The following KIAA1217 variants were observed in gnomAD, a reference collection of about 807,000 sequenced individuals.
KIAA1217 encodes the protein KIAA1217, also known as sickle tail protein homolog.
KIAA1217 carries 88 observed loss-of-function variants against 163.9 expected under a neutral mutation model. The observed-to-expected ratio is 0.54, with a 90% confidence interval of 0.45 to 0.64. The LOEUF (loss-of-function observed/expected upper bound fraction) is 0.64, where lower values mean the gene tolerates loss of function less well. Ranked by LOEUF, KIAA1217 falls within the 30% of genes least tolerant of loss-of-function variation. KIAA1217 has a pLI of 0.00. For synonymous variants in KIAA1217, 903 were observed against 923.1 expected (o/e 0.98, Z 0.39); for missense variants, 2,372 against 2,475.0 (o/e 0.96, Z 0.88).
chr10:23,914,943 A>G (rs994697729), intron 1 of KIAA1217, among the ~76,000 whole-genome samples: 2 of 152,156 alleles, frequency 1.3e-5, no homozygotes, highest in Admixed American at 6.5e-5. Context: ...TAGGTTTGAG[A>G]GTCACTAGAT....
rs141491416 is a variant in KIAA1217 at position 24,176,130 on chromosome 10, G to A, written c.-170-43496G>A. ...CATTTCACAGAGAGCTGATTGGTCT[G>A]TTTTGACAGGGTGTTGATTGGTGCT... On this transcript the variant is annotated intron_variant, in intron 2 of 18. Transcript: ENST00000376462. Among the ~76,000 whole-genome samples, 101 of 152,282 alleles carry A rather than the reference G, an allele frequency of 6.6e-4. 2 individuals carry two copies. The East Asian group carries it at 0.012, about 18-fold the overall frequency.
At chr10:23,807,134 G>A (rs1229584763) in intron 1 of KIAA1217, among the ~76,000 whole-genome samples, 1 of 152,242 alleles carries the variant, frequency 6.6e-6, no homozygotes, top group Non-Finnish European at 1.5e-5. Flanking sequence ...TGTGGCATTG[G>A]TATGAAGCTC....
intron 1 of KIAA1217, among the ~76,000 whole-genome samples, chr10:23,797,352 A>G (rs1836254683): frequency 6.6e-6 from 1 of 152,142 alleles, no homozygotes; most frequent in African/African-American, 2.4e-5. Flanking sequence ...TCTCTATTTC[A>G]GAAAGGAGGA....
chr10:23,728,213 C>T lies in KIAA1217; in HGVS notation c.-321+32979C>T, dbSNP rs191977464. Among the ~76,000 whole-genome samples, 8 of 152,238 alleles carry T rather than the reference C, an allele frequency of 5.3e-5. No individual in the cohort carries two copies. The East Asian group carries it at 5.8e-4, about 11-fold the overall frequency. On this transcript the variant is annotated intron_variant, in intron 1 of 18. Transcript: ENST00000376462. ...GATTGGTGGCTCAAATGGTATTTTT[C>T]GTTCTAGATCCTTGAGGAATCACCA...
intron 2 of KIAA1217, among the ~76,000 whole-genome samples, chr10:24,111,963 GT>G (rs1301135353): frequency 3.3e-5 from 5 of 151,944 alleles, no homozygotes; most frequent in Non-Finnish European, 7.4e-5. Flanking sequence ...GTTGTTGTTT[GT>G]TTTGTTTTTG....
At chr10:24,277,329 G>A (rs992914618) in intron 2 of KIAA1217, among the ~76,000 whole-genome samples, 1 of 152,208 alleles carries the variant, frequency 6.6e-6, no homozygotes, top group African/African-American at 2.4e-5. Flanking sequence ...CCCACTCAAA[G>A]TGGAGCAAGC....
chr10:24,296,672 C>T (rs545029588), intron 2 of KIAA1217, among the ~76,000 whole-genome samples: 1 of 152,092 alleles, frequency 6.6e-6, no homozygotes, highest in African/African-American at 2.4e-5. Flanking sequence ...AACGTGGAAA[C>T]CCTTTTCTTC....
At chr10:24,132,171 T>A (rs988829330) in intron 2 of KIAA1217, among the ~76,000 whole-genome samples, 1 of 152,186 alleles carries the variant, frequency 6.6e-6, no homozygotes, top group Admixed American at 6.5e-5. Context: ...TTGACAGTGA[T>A]GTACCTCACT....
intron 1 of KIAA1217, among the ~76,000 whole-genome samples, chr10:23,800,771 T>C (rs971366026): frequency 2.6e-5 from 4 of 152,110 alleles, no homozygotes; most frequent in African/African-American, 9.7e-5. Flanking sequence ...AAAACTACAA[T>C]GAGATACCAT....
chr10:24,485,096 T>C (rs1196353066), intron 6 of KIAA1217, among the ~76,000 whole-genome samples: 1 of 151,172 alleles, frequency 6.6e-6, no homozygotes, highest in Non-Finnish European at 1.5e-5. Flanking sequence ...CCGCTTTTTT[T>C]TTTTTTTTTT....
chr10:23,950,108 C>A (rs1247483266), intron 1 of KIAA1217, among the ~76,000 whole-genome samples: 1 of 152,106 alleles, frequency 6.6e-6, no homozygotes, highest in Non-Finnish European at 1.5e-5. Flanking sequence ...CCCCTCTAAT[C>A]CCACAACCCT....
At chr10:23,762,196 G>A (rs1238023710) in intron 1 of KIAA1217, among the ~76,000 whole-genome samples, 2 of 151,996 alleles carry the variant, frequency 1.3e-5, no homozygotes, top group African/African-American at 2.4e-5. Context: ...AAATACAAAG[G>A]GGAGCTGATA....
intron 2 of KIAA1217, among the ~76,000 whole-genome samples, chr10:24,063,748 T>C (rs11013872): frequency 0.76 from 115,551 of 152,090 alleles, 45,173 homozygotes; most frequent in African/African-American, 0.93. Flanking sequence ...GCCATTTTCA[T>C]GATATTGATT....
chr10:24,305,236 C>T (rs1252506747), intron 2 of KIAA1217, among the ~76,000 whole-genome samples: 1 of 152,194 alleles, frequency 6.6e-6, no homozygotes, highest in Non-Finnish European at 1.5e-5. Flanking sequence ...CACTGCACAA[C>T]AGCCAGTAAG....
chr10:23,852,988 A>C (rs908930902), intron 1 of KIAA1217, among the ~76,000 whole-genome samples: 1 of 152,128 alleles, frequency 6.6e-6, no homozygotes, highest in Non-Finnish European at 1.5e-5. Context: ...CTCTTTTCCT[A>C]ATTGAATACC....
intron 1 of KIAA1217, among the ~76,000 whole-genome samples, chr10:23,988,271 C>A (rs753982109): frequency 6.6e-6 from 1 of 152,168 alleles, no homozygotes; most frequent in Non-Finnish European, 1.5e-5. Flanking sequence ...CGCGAGCAGG[C>A]GTCTGGGCTT....
At chr10:24,004,493 AT>A (rs1846900513) in intron 1 of KIAA1217, among the ~76,000 whole-genome samples, 1 of 152,232 alleles carries the variant, frequency 6.6e-6, no homozygotes, top group Non-Finnish European at 1.5e-5. Flanking sequence ...ATTTGGAACT[AT>A]ATTCTAATAT....
At chr10:24,497,870 T>C (rs562995946) in intron 8 of KIAA1217, among the ~76,000 whole-genome samples, 1 of 151,850 alleles carries the variant, frequency 6.6e-6, no homozygotes, top group Admixed American at 6.6e-5. Flanking sequence ...AAACTACGAA[T>C]TGGGTACAAA....
intron 2 of KIAA1217, among the ~76,000 whole-genome samples, chr10:24,258,915 C>A (rs528239963): frequency 6.6e-6 from 1 of 152,294 alleles, no homozygotes; most frequent in South Asian, 2.1e-4. Context: ...AATGAGCCCA[C>A]AGCTGCCTGT....
Sources: gnomAD v4.1 joint callset for allele counts (sites outside exome capture counted in the v4.1 genomes callset) on GRCh38, gnomAD v4.1.1 for gene constraint, MANE v1.5 for transcripts, NCBI Gene and HGNC (gene_info 2026-07-23, HGNC 2026-07-21) for gene names.